ASMT: variants seen among roughly 807,000 people sequenced by gnomAD.
ASMT encodes the protein acetylserotonin O-methyltransferase.
A neutral mutation model predicts 41.3 loss-of-function variants in ASMT; 53 were observed. The ratio of observed to expected loss-of-function variants is 1.28; its 90% confidence interval spans 1.03 to 1.61. ASMT has a LOEUF of 1.61. ASMT is among the 40% of genes most tolerant of loss of function. The pLI, the probability that ASMT is intolerant of heterozygous loss-of-function variation, is 0.00. For missense variants in ASMT, 531 were observed against 441.3 expected, an observed-to-expected ratio of 1.20 and a Z score of -1.82; for synonymous variants, 231 against 184.8, an observed-to-expected ratio of 1.25 and a Z score of -2.03.
At chrX:1,616,935 C>T (rs1163191213) in intron 1 of ASMT, among the ~76,000 whole-genome samples, 1 of 151,890 alleles carries the variant, frequency 6.6e-6, no homozygotes, top group African/African-American at 2.4e-5. Flanking sequence ...GTCTCGATCT[C>T]CTGACCTCAT....
At chrX:1,617,270 G>C (rs1224938323) in intron 1 of ASMT, among the ~76,000 whole-genome samples, 2 of 151,474 alleles carry the variant, frequency 1.3e-5, no homozygotes, top group African/African-American at 2.4e-5. Flanking sequence ...AGGAGTTCAA[G>C]ACCAGCCTGG....
At chrX:1,634,103 G>C (rs1934875475) in intron 7 of ASMT, among the ~76,000 whole-genome samples, 1 of 151,514 alleles carries the variant, frequency 6.6e-6, no homozygotes, top group African/African-American at 2.4e-5. Context: ...GAAGGGTGTG[G>C]CCAGGGTCTC....
intron 1 of ASMT, among the ~76,000 whole-genome samples, chrX:1,617,709 G>A (rs549333752): frequency 1.3e-4 from 20 of 150,278 alleles, no homozygotes; most frequent in African/African-American, 3.4e-4. Context: ...TCTGCCTCCC[G>A]GGTTCAAGCG....
chrX:1,615,349 A>C (rs1934043546), intron 1 of ASMT, 81 bp downstream of exon 1: 2 of 1,301,850 alleles, frequency 1.5e-6, no homozygotes, highest in Non-Finnish European at 2.2e-6. Flanking sequence ...AGTCGAGAAA[A>C]ATGATGAGTC....
At chrX:1,636,968 GGC>G (rs1569384304) in intron 8 of ASMT, among the ~76,000 whole-genome samples, 56 of 82,084 alleles carry the variant, frequency 6.8e-4, no homozygotes, top group East Asian at 5.4e-3. Context: ...CCATCCTGAT[GGC>G]ACATGAGGAT....
At chrX:1,625,593 T>G (rs1462778006) in intron 3 of ASMT, among the ~76,000 whole-genome samples, 7 of 98,720 alleles carry the variant, frequency 7.1e-5, no homozygotes, top group Non-Finnish European at 8.6e-5. Flanking sequence ...TAATGGAAAG[T>G]AAGAGAAAGA....
chrX:1,627,668 T>TGAAATGAAATGAAAA (rs1491274355), intron 3 of ASMT, 35 bp from the exon 4 acceptor site: 1 of 1,201,546 alleles, frequency 8.3e-7, no homozygotes, highest in South Asian at 1.3e-5. Context: ...TGAAATGAAA[T>TGAAATGAAATGAAAA]GAAATGAAAA....
chrX:1,616,172 G>C (rs1188435623), intron 1 of ASMT, among the ~76,000 whole-genome samples: 5 of 145,652 alleles, frequency 3.4e-5, no homozygotes, highest in African/African-American at 1.3e-4. Context: ...GGGATTACAG[G>C]CACCCACCAC....
At chrX:1,618,925 C>T (rs1934235159) in intron 1 of ASMT, among the ~76,000 whole-genome samples, 2 of 152,110 alleles carry the variant, frequency 1.3e-5, no homozygotes, top group African/African-American at 2.4e-5. Flanking sequence ...GAAGAGCAGT[C>T]ACTTTAAGGC....
chrX:1,636,506 GCAGA>G lies in ASMT; in HGVS notation c.858_861del (p.Asp287GlufsTer22). On this transcript the variant is annotated frameshift_variant, in exon 8 of 9. Coordinates refer to ENST00000381241, the MANE Select transcript of ASMT (RefSeq NM_001171038.2). LOFTEE classifies it high-confidence loss of function. ...CCTGGCCAGGGTCCTCCATGACTGG[GCAGA>G]CGGAAAGTGCTCACACCTGCTGGAG... 1 of 1,613,918 alleles carries G rather than the reference GCAGA, an allele frequency of 6.2e-7. No homozygotes were observed. Among genetic ancestry groups the G allele is most frequent in the South Asian group, 1.1e-5 (1 of 91,080 alleles).
chrX:1,625,551 A>AAAGGGG (rs1389625613), intron 3 of ASMT, among the ~76,000 whole-genome samples: 1 of 65,288 alleles, frequency 1.5e-5, no homozygotes, highest in African/African-American at 5.8e-5. Flanking sequence ...GAAGGGAGGG[A>AAAGGGG]GGGAGGGAGG....
rs1275795213 is a variant in ASMT, at chrX:1,615,102, G to A, written c.-98G>A. ...CAGCAGGGAGAGTCAGGCAGCAGCT[G>A]TGAGCGGGTGGCTCTTCCCCACCTT... On this transcript the variant is annotated 5_prime_UTR_variant, in exon 1 of 9. The change creates a new upstream start codon in the 5' untranslated region. Coordinates refer to ENST00000381241, the MANE Select transcript of ASMT (RefSeq NM_001171038.2). 19 of 1,037,466 alleles carry A rather than the reference G, an allele frequency of 1.8e-5. No individual in the cohort carries two copies. Among genetic ancestry groups the A allele is most frequent in the Middle Eastern group, 4.7e-4 (2 of 4,282 alleles). The allele number at this position is 1,037,466 out of a possible 1,614,324, so 64.3% of individuals were successfully genotyped here.
chrX:1,636,419 T>A lies in ASMT; in HGVS notation c.788-19T>A. On this transcript the variant is annotated intron_variant, in intron 7 of 8. Coordinates refer to ENST00000381241, the MANE Select transcript of ASMT (RefSeq NM_001171038.2). ...ATTGGATTGCAGGCTGACCTCGGTG[T>A]GCCTGCCCTGTGTTCCAGGGGATTT... is the stretch of plus-strand genomic sequence containing the variant. The A allele has an allele frequency of 1.9e-6, 3 of 1,613,876 alleles. No individual in the cohort carries two copies. Among genetic ancestry groups the A allele is most frequent in the Non-Finnish European group, 2.5e-6 (3 of 1,179,876 alleles).
chrX:1,626,080 T>C (rs760447857), intron 3 of ASMT, among the ~76,000 whole-genome samples: 1 of 152,108 alleles, frequency 6.6e-6, no homozygotes, highest in African/African-American at 2.4e-5. Flanking sequence ...TACTGTTTCC[T>C]ATCTGACTTG....
At chrX:1,630,682 A>C in intron 5 of ASMT, among the ~76,000 whole-genome samples, 2 of 151,402 alleles carry the variant, frequency 1.3e-5, no homozygotes, top group Middle Eastern at 6.9e-3. Flanking sequence ...TCAGCCTCCC[A>C]AGTAGCTGGG....
At chrX:1,625,543 AG>A (rs1265452330) in intron 3 of ASMT, among the ~76,000 whole-genome samples, 1,875 of 52,464 alleles carry the variant, frequency 0.036, 61 homozygotes, top group African/African-American at 0.11. Context: ...GAAGGAAGGA[AG>A]GGAGGGAGGG....
rs772113323 is a variant in ASMT, at chrX:1,627,354, G to A, written c.375-349G>A. ...AAATAAAATAAGGCCAGGTGTGGTG[G>A]CTCACACCTGTAACCCCACCACTTT... On this transcript the variant is annotated intron_variant, in intron 3 of 8. Transcript: ENST00000381241. 3.3e-5 allele frequency among the ~76,000 whole-genome samples: 5 copies of A among 150,674 alleles called. No homozygotes were observed. In the South Asian group the frequency reaches 8.4e-4, roughly 25 times the overall value.
intron 1 of ASMT, among the ~76,000 whole-genome samples, 189 bp from the exon 2 acceptor site, chrX:1,622,947 AAAT>A (rs1255610119): frequency 6.6e-6 from 1 of 151,840 alleles, no homozygotes; most frequent in African/African-American, 2.4e-5. Flanking sequence ...AAAAATAAAT[AAAT>A]AAATATGACT....
intron 7 of ASMT, among the ~76,000 whole-genome samples, chrX:1,633,683 G>A (rs7063212): frequency 0.32 from 46,484 of 145,520 alleles, 8,230 homozygotes; most frequent in African/African-American, 0.52. Flanking sequence ...TCTCTTGCCC[G>A]GGCTGGAGTG....
Sources: allele counts gnomAD v4.1 joint callset (sites outside exome capture counted in the v4.1 genomes callset), GRCh38; gene constraint gnomAD v4.1.1; transcripts MANE v1.5; gene names NCBI Gene and HGNC (gene_info 2026-07-23, HGNC 2026-07-21).